Variants in KIRREL3 observed in about 807,000 individuals in gnomAD.
KIRREL3 encodes kin of IRRE-like protein 3.
A neutral mutation model predicts 89.7 loss-of-function variants in KIRREL3; 36 were observed. That is an observed-to-expected ratio of 0.40 (90% CI 0.31 to 0.53). The LOEUF is 0.53. Ranked by LOEUF, KIRREL3 falls within the 20% of genes least tolerant of loss-of-function variation. The probability of loss-of-function intolerance (pLI) is 0.49; values close to 1 mark genes in which losing one functional copy is unlikely to be tolerated. For synonymous variants in KIRREL3, 445 were observed against 441.4 expected, an observed-to-expected ratio of 1.01 and a Z score of -0.10; for missense variants, 864 against 1,056.6, an observed-to-expected ratio of 0.82 and a Z score of 2.53.
Position 126,496,280 on chromosome 11 carries a change from G to A in KIRREL3, c.434-22814C>T, listed in dbSNP as rs75024539. ...AGAGGCACTGTGCTGTTTGCAAAAT[G>A]CTTTCTATACACGTTCATCTTTCTC... On this transcript the variant is annotated intron_variant, in intron 4 of 16. Transcript: ENST00000525144. The surrounding 1 kb of genome is among the most constrained non-coding windows in gnomAD (Gnocchi z 4.9). Among the ~76,000 whole-genome samples the A allele has an allele frequency of 0.017, 2,543 of 152,310 alleles. 68 individuals are homozygous for A. Among genetic ancestry groups the A allele is most frequent in the African/African-American group, 0.056 (2,309 of 41,560 alleles).
At chr11:126,661,221 G>GA (rs947101295) in intron 1 of KIRREL3, among the ~76,000 whole-genome samples, 38 of 152,250 alleles carry the variant, frequency 2.5e-4, no homozygotes, top group Non-Finnish European at 4.6e-4. Flanking sequence ...CTGTGTCTCA[G>GA]AAAAAATAGC....
At chr11:126,480,870 G>C (rs1489106256) in intron 4 of KIRREL3, among the ~76,000 whole-genome samples, 3 of 152,162 alleles carry the variant, frequency 2.0e-5, no homozygotes. Context: ...TCTGGTTCTG[G>C]GCCGCGTGTA....
In KIRREL3 at chr11:126,888,389, G is replaced by A. The variant is rs189823641; in HGVS notation, c.55+112066C>T. 6.3e-4 allele frequency among the ~76,000 whole-genome samples: 93 copies of A among 148,368 alleles called. 1 individual carries two copies. Among genetic ancestry groups the A allele is most frequent in the African/African-American group, 2.4e-3 (89 of 37,866 alleles). ...AGGGCCCGTGCCAGATTCTCACCAG[G>A]GCCCGTGCCAGATTCTTACCAGGCT... On this transcript the variant is annotated intron_variant, in intron 1 of 16. Coordinates refer to ENST00000525144, the MANE Select transcript of KIRREL3 (RefSeq NM_032531.4).
At chr11:126,928,066 G>A (rs1380212202) in intron 1 of KIRREL3, among the ~76,000 whole-genome samples, 1 of 152,222 alleles carries the variant, frequency 6.6e-6, no homozygotes, top group East Asian at 1.9e-4. Context: ...CGTCTCACAA[G>A]GAGTTCAGAA....
At chr11:126,758,443 C>T (rs912092489) in intron 1 of KIRREL3, among the ~76,000 whole-genome samples, 1 of 152,188 alleles carries the variant, frequency 6.6e-6, no homozygotes, top group African/African-American at 2.4e-5. Flanking sequence ...AGGCAGCCCT[C>T]GTTAATTCCA....
chr11:126,777,972 A>G (rs888341126), intron 1 of KIRREL3, among the ~76,000 whole-genome samples: 4 of 151,016 alleles, frequency 2.6e-5, no homozygotes, highest in African/African-American at 9.7e-5. Context: ...AGCCTGCTGC[A>G]TGGTTGCAAG....
rs975720481 is a variant in KIRREL3, at chr11:126,555,894, C to A, written c.133+6941G>T. On this transcript the variant is annotated intron_variant, in intron 2 of 16. Coordinates refer to ENST00000525144, the MANE Select transcript of KIRREL3 (RefSeq NM_032531.4). The surrounding 1 kb of genome is among the most constrained non-coding windows in gnomAD (Gnocchi z 4.2). ...TAGTTGGGATTACAGGTGTGTGCCACCACGCCTGGCTAATTTTTTGTGTTT... is the reference window on the plus strand; with the variant it reads ...TAGTTGGGATTACAGGTGTGTGCCAACACGCCTGGCTAATTTTTTGTGTTT... Among the ~76,000 whole-genome samples the A allele has an allele frequency of 6.6e-6, 1 of 152,124 alleles. No individual in the cohort carries two copies. The highest frequency in any genetic ancestry group is 2.4e-5 in the African/African-American group (1 of 41,424).
At position 126,528,630 on chromosome 11, in the gene KIRREL3, T is replaced by C. The variant is rs1333118582; in HGVS notation, c.134-1943A>G. Among the ~76,000 whole-genome samples the C allele has an allele frequency of 1.3e-5, 2 of 152,066 alleles. No individual in the cohort carries two copies. The highest frequency in any genetic ancestry group is 2.1e-4 in the South Asian group (1 of 4,826). ...ATAGGACATTTTAATCAGCTATGTA[T>C]GGTAGGTTTTTTTTTTCCTCTCTGT... On this transcript the variant is annotated intron_variant, in intron 2 of 16. Coordinates refer to ENST00000525144, the MANE Select transcript of KIRREL3 (RefSeq NM_032531.4). The surrounding 1 kb of genome is among the most constrained non-coding windows in gnomAD (Gnocchi z 4.6).
Position 126,470,630 on chromosome 11 carries a change from C to T in KIRREL3, c.591+2679G>A, listed in dbSNP as rs562555648. Among the ~76,000 whole-genome samples the T allele has an allele frequency of 3.9e-5, 6 of 152,292 alleles. No individual in the cohort carries two copies. The South Asian group carries it at 1.2e-3, about 32-fold the overall frequency. On this transcript the variant is annotated intron_variant, in intron 5 of 16. Transcript: ENST00000525144. Reference sequence around the variant, plus strand: ...TAGAGGACTGGTGGGTAGGGGGAACCAGGCCGTGTATTTCCCCAGTCTCTG... The same window carrying T: ...TAGAGGACTGGTGGGTAGGGGGAACTAGGCCGTGTATTTCCCCAGTCTCTG...
At chr11:126,884,312 T>C (rs1480150299) in intron 1 of KIRREL3, among the ~76,000 whole-genome samples, 1 of 152,236 alleles carries the variant, frequency 6.6e-6, no homozygotes. Context: ...AGCATGGTTC[T>C]AGAGTGTGCC....
Position 126,655,029 on chromosome 11 carries a change from C to G in KIRREL3, c.56-92117G>C, listed in dbSNP as rs7930929. Among the ~76,000 whole-genome samples, 2 of 152,228 alleles carry G rather than the reference C, an allele frequency of 1.3e-5. No individual in the cohort carries two copies. Among genetic ancestry groups the G allele is most frequent in the African/African-American group, 4.8e-5 (2 of 41,468 alleles). On this transcript the variant is annotated intron_variant, in intron 1 of 16. Transcript: ENST00000525144. This position sits in a 1 kb window ranked among gnomAD's most constrained non-coding sequence, Gnocchi z 5.0. The stretch of plus-strand genomic sequence containing the variant: ...GGAAGACACCGAAAGATGTTCCTAG[C>G]TGGCACAGGCTGTGCTGAACACAGG...
intron 5 of KIRREL3, among the ~76,000 whole-genome samples, chr11:126,465,863 T>C (rs990359850): frequency 3.3e-5 from 5 of 152,126 alleles, no homozygotes; most frequent in African/African-American, 4.8e-5. Flanking sequence ...CCTCATCGAG[T>C]CTATAAATAG....
At chr11:126,691,145 C>T (rs1210519306) in intron 1 of KIRREL3, among the ~76,000 whole-genome samples, 2 of 152,062 alleles carry the variant, frequency 1.3e-5, no homozygotes, top group East Asian at 1.9e-4. Context: ...ATGACAATAT[C>T]GGGTGTTGGA....
At chr11:126,449,495 C>T (rs1166054041) in intron 7 of KIRREL3, among the ~76,000 whole-genome samples, 2 of 152,212 alleles carry the variant, frequency 1.3e-5, no homozygotes, top group Non-Finnish European at 2.9e-5. Context: ...ATCCAACTGT[C>T]AGTGGGCAGA....
chr11:126,863,722 G>C lies in KIRREL3; in HGVS notation c.55+136733C>G, dbSNP rs1944826759. On this transcript the variant is annotated intron_variant, in intron 1 of 16. Transcript: ENST00000525144. The stretch of plus-strand genomic sequence containing the variant: ...CAGTGTAGTAGCGGAGGAACAAAGA[G>C]GTACAAAGAGGAATGGAATCAGTGA... Among the ~76,000 whole-genome samples the C allele has an allele frequency of 2.0e-5, 3 of 152,168 alleles. No homozygotes were observed. The South Asian group carries it at 6.2e-4, about 32-fold the overall frequency.
intron 1 of KIRREL3, among the ~76,000 whole-genome samples, chr11:126,933,904 A>G (rs1037431118): frequency 6.6e-6 from 1 of 152,116 alleles, no homozygotes; most frequent in Non-Finnish European, 1.5e-5. Flanking sequence ...TAGGTTAAAC[A>G]CAATTTCTAT....
intron 1 of KIRREL3, among the ~76,000 whole-genome samples, chr11:126,820,626 A>C (rs1346264190): frequency 2.0e-5 from 3 of 152,074 alleles, no homozygotes; most frequent in Non-Finnish European, 4.4e-5. Context: ...TAGGGTGTTG[A>C]TTCAGGCCTG....
intron 1 of KIRREL3, among the ~76,000 whole-genome samples, chr11:126,851,003 G>A (rs750972856): frequency 4.6e-5 from 7 of 152,226 alleles, no homozygotes; most frequent in Non-Finnish European, 8.8e-5. Flanking sequence ...GCTGTTGAAA[G>A]TTCAGCCAAT....
In KIRREL3 at chr11:126,611,236, G is replaced by A. The variant is rs1031924875; in HGVS notation, c.56-48324C>T. Among the ~76,000 whole-genome samples the A allele has an allele frequency of 6.6e-6, 1 of 152,156 alleles. No individual in the cohort carries two copies. The highest frequency in any genetic ancestry group is 6.5e-5 in the Admixed American group (1 of 15,292). ...ACATGTAACGTTCTTGGCTCACAGCGCCCGGTGAATGTTAGCTGCTATTAC... is the reference window on the plus strand; with the variant it reads ...ACATGTAACGTTCTTGGCTCACAGCACCCGGTGAATGTTAGCTGCTATTAC... On this transcript the variant is annotated intron_variant, in intron 1 of 16. Coordinates refer to ENST00000525144, the MANE Select transcript of KIRREL3 (RefSeq NM_032531.4). The surrounding 1 kb of genome is among the most constrained non-coding windows in gnomAD (Gnocchi z 4.7).
Sources: gnomAD v4.1 joint callset for allele counts (sites outside exome capture counted in the v4.1 genomes callset) on GRCh38, gnomAD v4.1.1 for gene constraint, Gnocchi (gnomAD v3.1) non-coding constraint, MANE v1.5 for transcripts, NCBI Gene and HGNC (gene_info 2026-07-23, HGNC 2026-07-21) for gene names.